The following RGL1 variants were observed in gnomAD, a reference collection of about 807,000 sequenced individuals.
The protein encoded by RGL1 is ral guanine nucleotide dissociation stimulator like 1.
A neutral mutation model predicts 95.2 loss-of-function variants in RGL1; 24 were observed. The observed-to-expected ratio is 0.25, with a 90% CI of 0.18 to 0.35. RGL1 has a LOEUF of 0.35. Ranked by LOEUF, RGL1 falls within the 10% of genes least tolerant of loss-of-function variation. The probability of loss-of-function intolerance (pLI) is 1.00; values close to 1 mark genes in which losing one functional copy is unlikely to be tolerated. For missense variants in RGL1, 715 were observed against 936.3 expected (o/e 0.76, Z 3.08); for synonymous variants, 329 against 344.9 (o/e 0.95, Z 0.51).
At chr1:183,816,903 CG>C (rs1341291083) in intron 2 of RGL1, among the ~76,000 whole-genome samples, 3 of 152,004 alleles carry the variant, frequency 2.0e-5, no homozygotes, top group African/African-American at 7.2e-5. Flanking sequence ...CCAGGTGCAT[CG>C]AGAATGCAGA....
At chr1:183,842,394 A>C (rs1165242625) in intron 2 of RGL1, among the ~76,000 whole-genome samples, 1 of 152,118 alleles carries the variant, frequency 6.6e-6, no homozygotes, top group Admixed American at 6.5e-5. Context: ...TAGAAGGTGA[A>C]AGAGTTTATT....
chr1:183,701,734 C>T (rs372713746), intron 1 of RGL1, among the ~76,000 whole-genome samples: 2 of 152,042 alleles, frequency 1.3e-5, no homozygotes, highest in African/African-American at 2.4e-5. Flanking sequence ...GTCAGGAGTT[C>T]GAGACTAGCC....
chr1:183,679,496 C>A (rs1248919328), intron 1 of RGL1, among the ~76,000 whole-genome samples: 1 of 140,416 alleles, frequency 7.1e-6, no homozygotes, highest in Non-Finnish European at 1.5e-5. Flanking sequence ...GTTCAGTTTT[C>A]TGTTCCTGTG....
chr1:183,861,963 T>A (rs183226060), intron 3 of RGL1, among the ~76,000 whole-genome samples: 19 of 152,332 alleles, frequency 1.2e-4, no homozygotes, highest in Admixed American at 6.5e-4. Context: ...TCAAAGGACC[T>A]AGCCTGAACA....
intron 2 of RGL1, among the ~76,000 whole-genome samples, chr1:183,837,396 A>T (rs906528671): frequency 1.4e-5 from 2 of 146,946 alleles, no homozygotes; most frequent in Non-Finnish European, 3.1e-5. Flanking sequence ...CTGTGACCTT[A>T]GTTTATGAAG....
At chr1:183,868,055 A>T (rs557211126) in intron 4 of RGL1, among the ~76,000 whole-genome samples, 2 of 152,324 alleles carry the variant, frequency 1.3e-5, no homozygotes, top group African/African-American at 4.8e-5. Flanking sequence ...TTGTTTTTAG[A>T]AGGGCTTGGG....
intron 1 of RGL1, among the ~76,000 whole-genome samples, chr1:183,706,047 C>A (rs1654893076): frequency 6.6e-6 from 1 of 151,990 alleles, no homozygotes; most frequent in South Asian, 2.1e-4. Context: ...GGAAAGGTTG[C>A]ATGTTTTAAG....
intron 2 of RGL1, among the ~76,000 whole-genome samples, chr1:183,755,883 CTTTTTT>C (rs533584889): frequency 3.8e-4 from 52 of 136,448 alleles, no homozygotes; most frequent in African/African-American, 1.4e-3. Context: ...TGAGTTCATT[CTTTTTT>C]TTTTTTTTTT....
chr1:183,741,056 A>C (rs1431706535), intron 1 of RGL1, among the ~76,000 whole-genome samples: 1 of 152,180 alleles, frequency 6.6e-6, no homozygotes, highest in African/African-American at 2.4e-5. Flanking sequence ...TCACAAACAA[A>C]GGCTATAGGC....
chr1:183,712,854 G>A (rs774947121), intron 1 of RGL1, among the ~76,000 whole-genome samples: 2 of 152,182 alleles, frequency 1.3e-5, no homozygotes, highest in Non-Finnish European at 2.9e-5. Context: ...AGGTTGAAAA[G>A]TCCCTGTGGA....
chr1:183,763,327 T>G (rs1040845287), intron 2 of RGL1, among the ~76,000 whole-genome samples: 30 of 152,138 alleles, frequency 2.0e-4, no homozygotes, highest in African/African-American at 7.2e-4. Context: ...CTATGGCACA[T>G]GTATACCTAT....
chr1:183,706,496 G>T (rs751738650), intron 1 of RGL1, among the ~76,000 whole-genome samples: 8 of 152,206 alleles, frequency 5.3e-5, no homozygotes, highest in Non-Finnish European at 1.0e-4. Flanking sequence ...GATGAGATAC[G>T]AGTAGGAGGT....
At chr1:183,909,857 T>A (rs1422358571) in intron 14 of RGL1, among the ~76,000 whole-genome samples, 1 of 152,130 alleles carries the variant, frequency 6.6e-6, no homozygotes, top group African/African-American at 2.4e-5. Context: ...GTAAATCTGT[T>A]AACGGTAAAC....
intron 1 of RGL1, among the ~76,000 whole-genome samples, chr1:183,708,122 T>C (rs1487981167): frequency 6.6e-6 from 1 of 151,932 alleles, no homozygotes; most frequent in Admixed American, 6.5e-5. Flanking sequence ...CCAGATTGAA[T>C]TGCAAAAAAA....
At chr1:183,676,189 A>G (rs997155404) in intron 1 of RGL1, among the ~76,000 whole-genome samples, 7 of 152,194 alleles carry the variant, frequency 4.6e-5, no homozygotes, top group Non-Finnish European at 8.8e-5. Context: ...AAGAACAAAT[A>G]GAACAGAATG....
At chr1:183,652,170 C>T (rs971948165) in intron 1 of RGL1, among the ~76,000 whole-genome samples, 2 of 152,176 alleles carry the variant, frequency 1.3e-5, no homozygotes, top group African/African-American at 2.4e-5. Context: ...CCCATAATTA[C>T]CCTTTTGGGA....
chr1:183,706,368 T>A (rs1217815799), intron 1 of RGL1, among the ~76,000 whole-genome samples: 1 of 152,136 alleles, frequency 6.6e-6, no homozygotes, highest in Non-Finnish European at 1.5e-5. Flanking sequence ...GCCCTGGTAT[T>A]AATTAAAAAA....
chr1:183,738,643 G>A (rs927596556), intron 1 of RGL1, among the ~76,000 whole-genome samples: 1 of 152,174 alleles, frequency 6.6e-6, no homozygotes, highest in East Asian at 1.9e-4. Context: ...GCTCATGCCT[G>A]TAATCCCAGC....
At chr1:183,780,926 C>T (rs1466641643) in intron 2 of RGL1, among the ~76,000 whole-genome samples, 3 of 152,194 alleles carry the variant, frequency 2.0e-5, no homozygotes, top group Admixed American at 2.0e-4. Context: ...ACCAGCAGCT[C>T]CTGAAGGCCA....
Sources: gnomAD v4.1 joint callset for allele counts (sites outside exome capture counted in the v4.1 genomes callset) on GRCh38, gnomAD v4.1.1 for gene constraint, MANE v1.5 for transcripts, NCBI Gene and HGNC (gene_info 2026-07-23, HGNC 2026-07-21) for gene names.